F13A1: variants seen among roughly 807,000 people sequenced by gnomAD.
F13A1 encodes the protein coagulation factor XIII A chain.
A neutral mutation model predicts 80.1 loss-of-function variants in F13A1; 47 were observed. The observed-to-expected ratio is 0.59, with a 90% CI of 0.46 to 0.75. The LOEUF (loss-of-function observed/expected upper bound fraction) is 0.75. Among genes scored for constraint, F13A1 ranks in the 30% least tolerant of loss-of-function variants. The pLI is 0.00. For missense variants in F13A1, 817 were observed against 930.4 expected (o/e 0.88, Z 1.59); for synonymous variants, 349 against 344.9 (o/e 1.01, Z -0.13).
chr6:6,218,569 C>A (rs1039094561), intron 8 of F13A1, among the ~76,000 whole-genome samples: 2 of 152,166 alleles, frequency 1.3e-5, no homozygotes, highest in African/African-American at 4.8e-5. Flanking sequence ...ATTACTCTGC[C>A]CTGCTCTGCC....
intron 10 of F13A1, among the ~76,000 whole-genome samples, chr6:6,190,886 C>T (rs566421986): frequency 8.6e-4 from 125 of 144,854 alleles, no homozygotes; most frequent in African/African-American, 1.5e-3. Flanking sequence ...ACTCCGTGGG[C>T]GTAGGACCCT....
At chr6:6,189,923 C>A (rs1036142003) in intron 10 of F13A1, among the ~76,000 whole-genome samples, 1 of 152,128 alleles carries the variant, frequency 6.6e-6, no homozygotes, top group African/African-American at 2.4e-5. Context: ...TTTCTGGTTT[C>A]TTTTTATTCT....
At chr6:6,295,447 TGAG>T (rs1173953656) in intron 3 of F13A1, among the ~76,000 whole-genome samples, 3 of 148,356 alleles carry the variant, frequency 2.0e-5, no homozygotes, top group Non-Finnish European at 3.0e-5. Context: ...CTAACTGGTG[TGAG>T]ATGGCATCTC....
At chr6:6,287,390 A>C (rs1758153773) in intron 3 of F13A1, among the ~76,000 whole-genome samples, 1 of 152,220 alleles carries the variant, frequency 6.6e-6, no homozygotes, top group Non-Finnish European at 1.5e-5. Flanking sequence ...CACGTTTATG[A>C]ATTCTTGTAA....
intron 3 of F13A1, among the ~76,000 whole-genome samples, chr6:6,289,918 A>G (rs560115936): frequency 2.6e-5 from 4 of 152,098 alleles, no homozygotes; most frequent in Non-Finnish European, 4.4e-5. Context: ...GATTCTTTCA[A>G]CTATTCTTGC....
At chr6:6,319,948 G>C (rs116400880) in intron 1 of F13A1, among the ~76,000 whole-genome samples, 1 of 152,246 alleles carries the variant, frequency 6.6e-6, no homozygotes, top group Admixed American at 6.5e-5. Context: ...CCATCCTCTA[G>C]TGAGAAATAC....
chr6:6,231,774 A>T (rs1434663783), intron 6 of F13A1, among the ~76,000 whole-genome samples: 1 of 152,246 alleles, frequency 6.6e-6, no homozygotes, highest in Non-Finnish European at 1.5e-5. Flanking sequence ...CCCTATCTTC[A>T]GCCTCTTCAA....
chr6:6,217,884 A>G (rs1244393382), intron 8 of F13A1, among the ~76,000 whole-genome samples: 1 of 152,192 alleles, frequency 6.6e-6, no homozygotes, highest in Non-Finnish European at 1.5e-5. Context: ...TTGTTTATAG[A>G]TTAAGACCAC....
chr6:6,210,407 C>A (rs1216215813), intron 8 of F13A1, among the ~76,000 whole-genome samples: 1 of 145,586 alleles, frequency 6.9e-6, no homozygotes, highest in Non-Finnish European at 1.5e-5. Context: ...TGCAGTGGCA[C>A]GATCTCGGCT....
chr6:6,222,879 G>A (rs1351140803), intron 7 of F13A1, among the ~76,000 whole-genome samples: 1 of 152,148 alleles, frequency 6.6e-6, no homozygotes, highest in Non-Finnish European at 1.5e-5. Flanking sequence ...AACCTTGGAA[G>A]TCCAAACTGG....
intron 6 of F13A1, among the ~76,000 whole-genome samples, chr6:6,228,488 C>A (rs1050796381): frequency 6.6e-6 from 1 of 151,982 alleles, no homozygotes; most frequent in African/African-American, 2.4e-5. Context: ...AATCCCAGCC[C>A]TTTGAGAGGA....
chr6:6,231,703 A>T (rs928985779), intron 6 of F13A1, among the ~76,000 whole-genome samples: 2 of 152,212 alleles, frequency 1.3e-5, no homozygotes, highest in Non-Finnish European at 2.9e-5. Context: ...TATAAAAGAA[A>T]ACCTATCAGA....
intron 1 of F13A1, among the ~76,000 whole-genome samples, chr6:6,319,372 G>A (rs1283198684): frequency 1.3e-5 from 2 of 152,208 alleles, no homozygotes; most frequent in Admixed American, 1.3e-4. Context: ...AGGAGGATAA[G>A]GAGGTGGAGA....
At chr6:6,221,391 G>C (rs1757190101) in intron 8 of F13A1, among the ~76,000 whole-genome samples, 1 of 152,112 alleles carries the variant, frequency 6.6e-6, no homozygotes, top group Non-Finnish European at 1.5e-5. Context: ...CTCAATGAAA[G>C]GTGACAATAT....
chr6:6,197,969 G>A (rs1000089120), intron 8 of F13A1, among the ~76,000 whole-genome samples: 6 of 152,154 alleles, frequency 3.9e-5, no homozygotes, highest in African/African-American at 1.4e-4. Flanking sequence ...GGTACCGACA[G>A]GGTGGGGAAG....
intron 6 of F13A1, among the ~76,000 whole-genome samples, chr6:6,246,323 A>G (rs1031126959): frequency 2.6e-5 from 4 of 152,210 alleles, no homozygotes; most frequent in African/African-American, 9.7e-5. Flanking sequence ...ATTAAAACGG[A>G]ACAGATTTTG....
At chr6:6,222,372 C>T (rs2113059398) in intron 7 of F13A1, among the ~76,000 whole-genome samples, 1 of 152,332 alleles carries the variant, frequency 6.6e-6, no homozygotes, top group Non-Finnish European at 1.5e-5. Flanking sequence ...GCTGTGTGAT[C>T]CTTCAGAATT....
At chr6:6,147,304 A>C (rs752032877) in intron 14 of F13A1, among the ~76,000 whole-genome samples, 8 of 151,180 alleles carry the variant, frequency 5.3e-5, no homozygotes, top group Non-Finnish European at 1.2e-4. Context: ...CTATAGAAAT[A>C]AAAAAAGAAA....
In F13A1 at chr6:6,145,903, C is replaced by T. The variant is rs145903526; in HGVS notation, c.2046-131G>A. On this transcript the variant is annotated intron_variant, in intron 14 of 14. Coordinates refer to ENST00000264870, the MANE Select transcript of F13A1 (RefSeq NM_000129.4). ...TGGTGCTTAGGACACTGAAGACTCT[C>T]ACTGGCTGATTCAGCAAGTTATGCC... is the stretch of plus-strand genomic sequence containing the variant. 189 of 1,219,862 alleles carry T rather than the reference C, an allele frequency of 1.5e-4. No individual in the cohort carries two copies. In the African/African-American group the frequency reaches 2.4e-3, roughly 16 times the overall value. 75.6% of individuals were successfully genotyped at this position (1,219,862 alleles called of 1,614,324 possible).
Sources: allele counts gnomAD v4.1 joint callset (sites outside exome capture counted in the v4.1 genomes callset), GRCh38; gene constraint gnomAD v4.1.1; transcripts MANE v1.5; gene names NCBI Gene and HGNC (gene_info 2026-07-23, HGNC 2026-07-21).